MAB21L4: variants seen among roughly 807,000 people sequenced by gnomAD.
The protein encoded by MAB21L4 is mab-21 like 4.
In MAB21L4, 25 loss-of-function variants were observed where a neutral mutation model predicts 32.4. That is an observed-to-expected ratio of 0.77 (90% CI 0.56 to 1.08). MAB21L4 has a LOEUF of 1.08. MAB21L4 is among the 50% of genes least tolerant of loss of function. The probability of loss-of-function intolerance (pLI) is 0.00; values close to 1 mark genes in which losing one functional copy is unlikely to be tolerated. For missense variants in MAB21L4, 638 were observed against 611.0 expected, an observed-to-expected ratio of 1.04 and a Z score of -0.47; for synonymous variants, 280 against 276.8, an observed-to-expected ratio of 1.01 and a Z score of -0.11.
In MAB21L4 at chr2:240,888,351, G is replaced by A; in HGVS notation, c.1192C>T (p.Leu398=). Residue 398 remains leucine, a synonymous_variant, in exon 4 of 5, where the codon CTG becomes TTG. Transcript: ENST00000388934. ...CAGTAAGTGGGGTCACTGGCTGGCA[G>A]CTGCAGGAGCGCCTTGAGCCCGGAG... ...IGSGLKALLQ[L]PASDPTYWAT... is the part of the protein sequence containing the mutation. 2 of 1,577,570 alleles carry A rather than the reference G, an allele frequency of 1.3e-6. No individual in the cohort carries two copies. Among genetic ancestry groups the A allele is most frequent in the Non-Finnish European group, 1.7e-6 (2 of 1,164,892 alleles).
Position 240,896,092 on chromosome 2 carries a change from G to GAC in MAB21L4, c.-96_-95insGT. 1 of 1,336,876 alleles carries GAC rather than the reference G, an allele frequency of 7.5e-7. No individual in the cohort carries two copies. The highest frequency in any genetic ancestry group is 2.8e-5 in the East Asian group (1 of 35,246). The allele number at this position is 1,336,876 out of a possible 1,614,324, so 82.8% of individuals were successfully genotyped here. On this transcript the variant is annotated 5_prime_UTR_variant, in exon 1 of 5. Coordinates refer to ENST00000388934, the MANE Select transcript of MAB21L4 (RefSeq NM_001085437.3). ...GCTGTGAGGAGGCACCTGCCCAGGT[G>GAC]AGCAGCAGGTCTGCAGGTGGGGCCT...
At position 240,887,060 on chromosome 2, in the gene MAB21L4, G is replaced by A. The variant is rs761967500; in HGVS notation, c.*10C>T. On this transcript the variant is annotated 3_prime_UTR_variant, in exon 5 of 5. Transcript: ENST00000388934. Reference sequence around the variant, plus strand: ...GCCAAGAACAGGTGGCTGAGACCAGGTGGCCCAGCTCAGCTCTCCTCGCCT... The same window carrying A: ...GCCAAGAACAGGTGGCTGAGACCAGATGGCCCAGCTCAGCTCTCCTCGCCT... The A allele has an allele frequency of 1.9e-6, 3 of 1,610,572 alleles. No homozygotes were observed. The highest frequency in any genetic ancestry group is 2.5e-6 in the Non-Finnish European group (3 of 1,176,872).
chr2:240,888,548 A>T lies in MAB21L4; in HGVS notation c.995T>A (p.Leu332Gln), dbSNP rs761060645. The T allele has an allele frequency of 3.2e-5, 52 of 1,608,788 alleles. No individual in the cohort carries two copies. The highest frequency in any genetic ancestry group is 4.4e-5 in the Non-Finnish European group (52 of 1,179,368). Residue 332 changes from leucine (L) to glutamine (Q), a missense_variant, in exon 4 of 5, where the codon CTG becomes CAG. Leu to Gln is a moderately radical substitution (Grantham distance 113, BLOSUM62 -2). Coordinates refer to ENST00000388934, the MANE Select transcript of MAB21L4 (RefSeq NM_001085437.3). ...GAAGTGGGGCAGCTTCCGCGTGGCC[A>T]GGCAACAGAGCAGCACCACCAGCAG... Reference protein sequence around the residue: ...YRLLVVLLCCLATRKLPHFLH... With the variant: ...YRLLVVLLCCQATRKLPHFLH...
At chr2:240,891,878 G>A (rs922874991) in intron 1 of MAB21L4, 115 bp from the exon 2 acceptor site, 19 of 1,579,248 alleles carry the variant, frequency 1.2e-5, no homozygotes, top group Non-Finnish European at 1.5e-5. Flanking sequence ...CTCACCTGCA[G>A]CCCTCTCTGC....
At position 240,889,986 on chromosome 2, in the gene MAB21L4, C is replaced by G. The variant is rs368651713; in HGVS notation, c.894+19G>C. 1.9e-6 allele frequency: 3 copies of G among 1,592,638 alleles called. No homozygotes were observed. Among genetic ancestry groups the G allele is most frequent in the East Asian group, 2.3e-5 (1 of 44,280 alleles). ...TGGGCCCTGGTGACAGACAACCCGC[C>G]GAGTCCCGCCCTGGGTACCTTCAGG... On this transcript the variant is annotated intron_variant, in intron 3 of 4. Transcript: ENST00000388934.
In MAB21L4 at chr2:240,896,054, G is replaced by T. The variant is rs774714748; in HGVS notation, c.-57C>A. 7.1e-7 allele frequency: 1 copy of T among 1,411,586 alleles called. No homozygotes were observed. Among genetic ancestry groups the T allele is most frequent in the Non-Finnish European group, 9.2e-7 (1 of 1,087,838 alleles). 87.4% of individuals were successfully genotyped at this position (1,411,586 alleles called of 1,614,324 possible). On this transcript the variant is annotated 5_prime_UTR_variant, in exon 1 of 5. In the 5' UTR this introduces an upstream ATG that the reference lacks. Coordinates refer to ENST00000388934, the MANE Select transcript of MAB21L4 (RefSeq NM_001085437.3). ...CCCCTGAGGAGGACTCCGCAGGCCA[G>T]CTGTGCAGATGGGCTGTGAGGAGGC...
intron 1 of MAB21L4, among the ~76,000 whole-genome samples, chr2:240,894,253 G>C (rs1278953458): frequency 6.6e-6 from 1 of 152,126 alleles, no homozygotes; most frequent in Admixed American, 6.5e-5. Context: ...ATGAGGGTCA[G>C]ATGAATACTA....
intron 2 of MAB21L4, 33 bp from the exon 3 acceptor site, chr2:240,890,191 C>A (rs368612814): frequency 1.7e-5 from 27 of 1,572,258 alleles, no homozygotes; most frequent in Non-Finnish European, 2.3e-5. Context: ...GGGTCAGCCC[C>A]CGCCGCTGTT....
chr2:240,891,894 C>G, intron 1 of MAB21L4, 131 bp from the exon 2 acceptor site: 1 of 1,576,224 alleles, frequency 6.3e-7, no homozygotes, highest in Non-Finnish European at 8.6e-7. Context: ...TCTGCTGGCC[C>G]CCACCTGCAG....
In MAB21L4 at chr2:240,890,097, G is replaced by A. The variant is rs200247117; in HGVS notation, c.802C>T (p.Arg268Cys). The A allele has an allele frequency of 4.3e-5, 70 of 1,613,124 alleles. No individual in the cohort carries two copies. The highest frequency in any genetic ancestry group is 3.8e-4 in the East Asian group (17 of 44,866). ...TCGAGGATGGAGAGGCTGTCCAGGCGATGACCCTGCAGGGAGCCCAGCTCC... is the reference window on the plus strand; with the variant it reads ...TCGAGGATGGAGAGGCTGTCCAGGCAATGACCCTGCAGGGAGCCCAGCTCC... ...LGELGSLQGH[R>C]LDSLSILDRV... Residue 268 changes from arginine to cysteine, a missense_variant, in exon 3 of 5, where the codon CGC becomes TGC. Coordinates refer to ENST00000388934, the MANE Select transcript of MAB21L4 (RefSeq NM_001085437.3).
In MAB21L4 at chr2:240,888,475, A is replaced by T. The variant is rs2106437058; in HGVS notation, c.1068T>A (p.Gly356=). The change falls in exon 4 of 5, where the codon GGT becomes GGA. Residue 356 remains glycine (G), a synonymous_variant. Transcript: ENST00000388934. ...NLLQGSGLDL[G]AIYQRVEGFA... is the part of the protein sequence containing the mutation. The stretch of plus-strand genomic sequence containing the variant: ...AGCCCTCCACGCGCTGGTAGATGGC[A>T]CCAAGGTCCAGGCCGCTGCCCTGCA... 1 of 1,598,034 alleles carries T rather than the reference A, an allele frequency of 6.3e-7. No homozygotes were observed. The highest frequency in any genetic ancestry group is 1.7e-4 in the Middle Eastern group (1 of 6,008).
chr2:240,895,731 G>A lies in MAB21L4; in HGVS notation c.267C>T (p.Ala89=), dbSNP rs746979237. Residue 89 remains alanine (A), a synonymous_variant, in exon 1 of 5, where the codon GCC becomes GCT. Transcript: ENST00000388934. ...MDMEVPLWVD[A]EALLIEEPEA... ...CTGGTTCCTCAATCAGTAGAGCCTCGGCATCCACCCACAGGGGCACCTCCA... is the reference window on the plus strand; with the variant it reads ...CTGGTTCCTCAATCAGTAGAGCCTCAGCATCCACCCACAGGGGCACCTCCA... 1.1e-5 allele frequency: 18 copies of A among 1,612,772 alleles called. No homozygotes were observed. The highest frequency in any genetic ancestry group is 4.4e-5 in the South Asian group (4 of 91,080).
Position 240,891,604 on chromosome 2 carries a change from T to A in MAB21L4, c.674A>T (p.Glu225Val), listed in dbSNP as rs2059150352. The change falls in exon 2 of 5, where the codon GAG (glutamate) becomes GTG (valine). Residue 225 changes from glutamate (E) to valine (V), a missense_variant. Glu to Val is a moderately radical substitution (Grantham distance 121). Transcript: ENST00000388934. The part of the protein sequence containing the change: ...EGVQQMPGFP[E>V]GSLRRILSQG... ...GCTGAGGATCCTTCTCAAGCTGCCC[T>A]CAGGGAATCCGGGCATCTGCTGCAC... The A allele has an allele frequency of 6.2e-7, 1 of 1,610,108 alleles. No homozygotes were observed. Among genetic ancestry groups the A allele is most frequent in the African/African-American group, 1.3e-5 (1 of 74,926 alleles).
At chr2:240,889,218 A>G (rs1460110922) in intron 3 of MAB21L4, among the ~76,000 whole-genome samples, 1 of 152,022 alleles carries the variant, frequency 6.6e-6, no homozygotes, top group Non-Finnish European at 1.5e-5. Flanking sequence ...CCTGCAGTTG[A>G]GTTTGGGGCT....
chr2:240,889,482 G>A lies in MAB21L4; in HGVS notation c.894+523C>T, dbSNP rs866670402. On this transcript the variant is annotated intron_variant, in intron 3 of 4. Coordinates refer to ENST00000388934, the MANE Select transcript of MAB21L4 (RefSeq NM_001085437.3). ...CCACCTGCTTCCTCGGGGTTGGGGT[G>A]GGTTGGAATCCCTGGCCCCTGCCTG... Among the ~76,000 whole-genome samples, 18 of 152,272 alleles carry A rather than the reference G, an allele frequency of 1.2e-4. No individual in the cohort carries two copies. The Middle Eastern group carries it at 0.02, about 173-fold the overall frequency.
intron 2 of MAB21L4, among the ~76,000 whole-genome samples, chr2:240,891,001 C>A (rs1473820327): frequency 6.6e-6 from 1 of 152,210 alleles, no homozygotes; most frequent in Non-Finnish European, 1.5e-5. Flanking sequence ...ACCATCCTTC[C>A]AGCAAGTGAG....
chr2:240,890,297 A>G, intron 2 of MAB21L4, 139 bp from the exon 3 acceptor site: 1 of 1,070,980 alleles, frequency 9.3e-7, no homozygotes, highest in Non-Finnish European at 1.3e-6. Flanking sequence ...GCCGGAACCC[A>G]GGCTTCTCGG....
chr2:240,890,244 C>G (rs1451044981), intron 2 of MAB21L4, 86 bp from the exon 3 acceptor site: 1 of 1,495,190 alleles, frequency 6.7e-7, no homozygotes, highest in African/African-American at 1.4e-5. Context: ...AGGTTCGGGC[C>G]CTGGCCAGGG....
At chr2:240,888,210 A>G (rs891710231) in intron 4 of MAB21L4, 82 bp downstream of exon 4, 30 of 1,144,104 alleles carry the variant, frequency 2.6e-5, no homozygotes, top group Non-Finnish European at 3.3e-5. Flanking sequence ...CTGGGAGAGA[A>G]TGGGCAGGGA....
Sources: gnomAD v4.1 joint callset for allele counts (sites outside exome capture counted in the v4.1 genomes callset) on GRCh38, gnomAD v4.1.1 for gene constraint, MANE v1.5 for transcripts, NCBI Gene and HGNC (gene_info 2026-07-23, HGNC 2026-07-21) for gene names.